Variants in BAZ1A observed in about 807,000 individuals in gnomAD.
BAZ1A encodes bromodomain adjacent to zinc finger domain 1A.
Under a neutral mutation model 185.2 loss-of-function variants are expected in BAZ1A, and 50 were observed. The ratio of observed to expected loss-of-function variants is 0.27; its 90% CI spans 0.22 to 0.34. The LOEUF is 0.34. BAZ1A is among the 10% of genes least tolerant of loss of function. BAZ1A has a pLI of 1.00. For synonymous variants in BAZ1A, 571 were observed against 615.6 expected, an observed-to-expected ratio of 0.93 and a Z score of 1.07; for missense variants, 1,356 against 1,839.9, an observed-to-expected ratio of 0.74 and a Z score of 4.81.
At chr14:34,789,835 T>C (rs1458863637) in intron 12 of BAZ1A, among the ~76,000 whole-genome samples, 1 of 152,196 alleles carries the variant, frequency 6.6e-6, no homozygotes, top group Non-Finnish European at 1.5e-5. Flanking sequence ...AAATTTCAAC[T>C]TCTTTACCGT....
chr14:34,759,184 T>TTTTTTTTTTG (rs1555336970), intron 24 of BAZ1A, among the ~76,000 whole-genome samples: 1 of 108,028 alleles, frequency 9.3e-6, no homozygotes. Flanking sequence ...TTTTTTTTTT[T>TTTTTTTTTTG]TTTTTTTTTT....
intron 3 of BAZ1A, among the ~76,000 whole-genome samples, chr14:34,852,214 T>C (rs1046429174): frequency 1.3e-5 from 2 of 152,142 alleles, no homozygotes; most frequent in African/African-American, 4.8e-5. Context: ...ATATAGAAAT[T>C]GTTAACTTTT....
chr14:34,849,213 C>G (rs1322513723), intron 3 of BAZ1A, among the ~76,000 whole-genome samples: 2 of 152,108 alleles, frequency 1.3e-5, no homozygotes, highest in East Asian at 3.9e-4. Context: ...TTGCTTGAGC[C>G]TAGAAGTTCA....
chr14:34,835,021 G>A (rs2042306279), intron 3 of BAZ1A, among the ~76,000 whole-genome samples: 2 of 150,028 alleles, frequency 1.3e-5, no homozygotes, highest in South Asian at 2.1e-4. Context: ...AACTCCATAA[G>A]TTATACATTT....
At chr14:34,757,742 CTTT>C (rs1195155525) in intron 25 of BAZ1A, among the ~76,000 whole-genome samples, 2 of 126,290 alleles carry the variant, frequency 1.6e-5, no homozygotes, top group Non-Finnish European at 1.8e-5. Context: ...CTATTGTTTT[CTTT>C]TTTTTTTTTT....
At chr14:34,861,382 G>T (rs766642226) in intron 3 of BAZ1A, among the ~76,000 whole-genome samples, 4 of 152,092 alleles carry the variant, frequency 2.6e-5, no homozygotes, top group Admixed American at 2.6e-4. Context: ...TGAAGAGCTC[G>T]GTGAAAGGGA....
At chr14:34,833,096 G>T (rs2042274756) in intron 3 of BAZ1A, among the ~76,000 whole-genome samples, 1 of 152,132 alleles carries the variant, frequency 6.6e-6, no homozygotes, top group Admixed American at 6.5e-5. Context: ...TTAAAAATTA[G>T]CCAGGTGTGG....
At chr14:34,761,421 A>G (rs866370020) in intron 24 of BAZ1A, among the ~76,000 whole-genome samples, 3 of 152,120 alleles carry the variant, frequency 2.0e-5, no homozygotes, top group Non-Finnish European at 2.9e-5. Context: ...GATGCTGAGT[A>G]TTTGCGTTTT....
intron 3 of BAZ1A, among the ~76,000 whole-genome samples, chr14:34,841,851 T>A (rs1429632237): frequency 6.6e-6 from 1 of 152,238 alleles, no homozygotes; most frequent in Non-Finnish European, 1.5e-5. Context: ...TATTTAATTA[T>A]CCTGTTGCAT....
In BAZ1A at chr14:34,810,968, T is replaced by A; in HGVS notation, c.605A>T (p.His202Leu). 5 of 1,610,008 alleles carry A rather than the reference T, an allele frequency of 3.1e-6. No individual in the cohort carries two copies. The highest frequency in any genetic ancestry group is 4.2e-6 in the Non-Finnish European group (5 of 1,177,494). ...TGTTGCTTTAACAATAGCAGACTCA[T>A]GTAATTCTTTTTTAGTGGGTTGCAC... ...YKVQPTKKEL[H>L]ESAIVKATQI... Residue 202 changes from histidine (H) to leucine (L), a missense_variant, in exon 5 of 27, where the codon CAT (histidine) becomes CTT (leucine). By Grantham distance (99) the His-to-Leu change is moderately conservative (BLOSUM62 -3). This residue lies in a region of BAZ1A where 332 missense variants were observed against 395.3 expected (regional missense o/e 0.84). Coordinates refer to ENST00000360310, the MANE Select transcript of BAZ1A (RefSeq NM_013448.3).
intron 3 of BAZ1A, among the ~76,000 whole-genome samples, chr14:34,828,081 G>T (rs913759898): frequency 1.3e-5 from 2 of 151,896 alleles, no homozygotes; most frequent in Non-Finnish European, 2.9e-5. Context: ...GATCACCTGA[G>T]GTCCGGAGTT....
At chr14:34,813,703 T>C (rs1307866104) in intron 4 of BAZ1A, among the ~76,000 whole-genome samples, 1 of 149,140 alleles carries the variant, frequency 6.7e-6, no homozygotes, top group African/African-American at 2.5e-5. Flanking sequence ...AATAACAATA[T>C]GATCAAATAA....
rs753587075 is a variant in BAZ1A, at chr14:34,783,129, T to G, written c.2101A>C (p.Ile701Leu). 3.8e-5 allele frequency: 61 copies of G among 1,599,758 alleles called. No individual in the cohort carries two copies. Among genetic ancestry groups the G allele is most frequent in the Non-Finnish European group, 4.9e-5 (57 of 1,168,024 alleles). The change falls in exon 16 of 27, where the codon ATA (isoleucine) becomes CTA (leucine). Residue 701 changes from isoleucine (I) to leucine (L), a missense_variant. Transcript: ENST00000360310. ...EDEQRNSTADISIGEEEREDF... is the reference protein window; with the variant it reads ...EDEQRNSTADLSIGEEEREDF... ...TGATTCAAACCATACCCAATAGATA[T>G]ATCTGCCGTTGAATTTCTTTGCTCA...
At chr14:34,835,573 T>C (rs1220898765) in intron 3 of BAZ1A, among the ~76,000 whole-genome samples, 2 of 151,884 alleles carry the variant, frequency 1.3e-5, no homozygotes, top group Non-Finnish European at 2.9e-5. Flanking sequence ...TTAAACACAT[T>C]TCAGAGTGAA....
chr14:34,813,215 A>AACACACAC (rs71671684), intron 4 of BAZ1A, among the ~76,000 whole-genome samples: 2 of 149,904 alleles, frequency 1.3e-5, no homozygotes, highest in African/African-American at 4.9e-5. Context: ...AAACCTACAA[A>AACACACAC]ACACACACAC....
intron 10 of BAZ1A, 34 bp from the exon 11 acceptor site, chr14:34,794,921 A>G (rs762437790): frequency 9.4e-6 from 15 of 1,596,256 alleles, no homozygotes; most frequent in Non-Finnish European, 1.1e-5. Flanking sequence ...AACTATTTGA[A>G]CCAAGAGCAG....
chr14:34,772,754 G>A (rs1362064557), intron 20 of BAZ1A, among the ~76,000 whole-genome samples: 3 of 152,214 alleles, frequency 2.0e-5, no homozygotes, highest in African/African-American at 7.2e-5. Flanking sequence ...ATGCCGGCCA[G>A]GCGTGGTGGC....
rs914612712 is a variant in BAZ1A at position 34,807,611 on chromosome 14, G to A, written c.639-73C>T. 22 of 1,008,220 alleles carry A rather than the reference G, an allele frequency of 2.2e-5. No homozygotes were observed. In the African/African-American group the frequency reaches 3.6e-4, roughly 17 times the overall value. 62.5% of individuals were successfully genotyped at this position (1,008,220 alleles called of 1,614,324 possible). ...GTTCAACCCCAACTCCATAATCTCT[G>A]TAAATTTGTAACCTGAATTTCAGAA... is the stretch of plus-strand genomic sequence containing the variant. On this transcript the variant is annotated intron_variant, in intron 5 of 26. Transcript: ENST00000360310.
intron 3 of BAZ1A, among the ~76,000 whole-genome samples, chr14:34,843,735 A>G (rs940043507): frequency 2.0e-5 from 3 of 152,180 alleles, no homozygotes; most frequent in African/African-American, 7.2e-5. Context: ...CTAGCAAGTC[A>G]GTTTGGCCCC....
Sources: gnomAD v4.1 joint callset for allele counts (sites outside exome capture counted in the v4.1 genomes callset) on GRCh38, gnomAD v4.1.1 for gene constraint, gnomAD v4.1.1 regional missense constraint, MANE v1.5 for transcripts, NCBI Gene and HGNC (gene_info 2026-07-23, HGNC 2026-07-21) for gene names.